The following PLP1 variants were observed in gnomAD, a reference collection of about 807,000 sequenced individuals.
PLP1 encodes proteolipid protein 1.
A neutral mutation model predicts 18.5 loss-of-function variants in PLP1; 2 were observed. The observed-to-expected ratio is 0.11, with a 90% CI of 0.04 to 0.34. PLP1 has a LOEUF of 0.34. Ranked by LOEUF, PLP1 falls within the 10% of genes least tolerant of loss-of-function variation. The pLI is 1.00. For missense variants in PLP1, 105 were observed against 207.3 expected (o/e 0.51, Z 3.03); for synonymous variants, 86 against 83.2 (o/e 1.03, Z -0.19).
At chrX:103,779,919 C>T (rs2074438739) in intron 1 of PLP1, 1 of 112,450 alleles carries the variant, frequency 8.9e-6, no homozygotes, top group Non-Finnish European at 1.9e-5. Context: ...CCTTCCCTGC[C>T]CACAGCACTT....
rs778783545 is a variant in PLP1 at position 103,785,678 on chromosome X, G to T, written c.101G>T (p.Gly34Val). The T allele has an allele frequency of 7.4e-6, 9 of 1,209,531 alleles. No homozygotes were observed. In the South Asian group the frequency reaches 1.6e-4, roughly 21 times the overall value. ...TTCTTTGGGGTGGCACTGTTCTGTGGCTGTGGACATGAAGCCCTCACTGGC... is the reference window on the plus strand; with the variant it reads ...TTCTTTGGGGTGGCACTGTTCTGTGTCTGTGGACATGAAGCCCTCACTGGC... ...LCFFGVALFC[G>V]CGHEALTGTE... The change falls in exon 2 of 7, where the codon GGC becomes GTC. Residue 34 changes from glycine (G) to valine (V), a missense_variant. Physicochemically the swap from Gly to Val is moderately radical, Grantham distance 109 (BLOSUM62 -3). Coordinates refer to ENST00000621218, the MANE Select transcript of PLP1 (RefSeq NM_000533.5).
intron 1 of PLP1, among the ~76,000 whole-genome samples, chrX:103,779,578 C>T (rs1393567118): frequency 8.9e-6 from 1 of 111,995 alleles, no homozygotes; most frequent in Non-Finnish European, 1.9e-5. Flanking sequence ...CTCCCTTTGG[C>T]CGTGCAGAGC....
chrX:103,790,287 T>G (rs1252482225), intron 6 of PLP1, among the ~76,000 whole-genome samples: 1 of 112,651 alleles, frequency 8.9e-6, no homozygotes, highest in African/African-American at 3.2e-5. Flanking sequence ...GGAATAAATC[T>G]TTATGATTTG....
rs1299705323 is a variant in PLP1 at position 103,792,155 on chromosome X, G to T, written c.*1557G>T. On this transcript the variant is annotated 3_prime_UTR_variant, in exon 7 of 7. Transcript: ENST00000621218. The stretch of plus-strand genomic sequence containing the variant: ...AAAGTCTGATTGGTTTTAATTGAAG[G>T]AAAGATTTGTACTACAGTTCTTTTG... The T allele has an allele frequency of 1.8e-5, 2 of 111,110 alleles. No homozygotes were observed. Among genetic ancestry groups the T allele is most frequent in the African/African-American group, 6.5e-5 (2 of 30,567 alleles). 9.2% of individuals were successfully genotyped at this position (111,110 alleles called of 1,213,427 possible).
At chrX:103,780,634 T>C (rs1178606986) in intron 1 of PLP1, among the ~76,000 whole-genome samples, 2 of 111,579 alleles carry the variant, frequency 1.8e-5, no homozygotes, top group African/African-American at 6.5e-5. Flanking sequence ...CCCCAGAGAC[T>C]TCGGGACTGT....
At position 103,790,532 on chromosome X, in the gene PLP1, C is replaced by T. The variant is rs1435404483; in HGVS notation, c.768C>T (p.Thr256=). The change falls in exon 7 of 7, where the codon ACC becomes ACT. Residue 256 remains threonine (T), a synonymous_variant. Coordinates refer to ENST00000621218, the MANE Select transcript of PLP1 (RefSeq NM_000533.5). Reference sequence around the variant, plus strand: ...CTCTCTTCTGTTCCCTACAGCTCACCTTCATGATTGCTGCCACTTACAACT... The same window carrying T: ...CTCTCTTCTGTTCCCTACAGCTCACTTTCATGATTGCTGCCACTTACAACT... The part of the protein sequence containing the change: ...GAAATLVSLL[T]FMIAATYNFA... 2 of 1,204,731 alleles carry T rather than the reference C, an allele frequency of 1.7e-6. No homozygotes were observed. The highest frequency in any genetic ancestry group is 3.5e-5 in the African/African-American group (2 of 57,687).
intron 4 of PLP1, 40 bp from the exon 5 acceptor site, chrX:103,788,396 TC>T (rs780936979): frequency 1.2e-5 from 12 of 1,012,353 alleles, no homozygotes; most frequent in African/African-American, 7.5e-5. Flanking sequence ...GCCCCGTAAC[TC>T]CATAAAGCTT....
In PLP1 at chrX:103,789,148, C is replaced by G. The variant is rs1251403335; in HGVS notation, c.697-185C>G. 6.2e-6 allele frequency: 3 copies of G among 484,089 alleles called. No homozygotes were observed. The East Asian group carries it at 1.1e-4, about 18-fold the overall frequency. The allele number at this position is 484,089 out of a possible 1,213,427, so 39.9% of individuals were successfully genotyped here. On this transcript the variant is annotated intron_variant, in intron 5 of 6. Coordinates refer to ENST00000621218, the MANE Select transcript of PLP1 (RefSeq NM_000533.5). ...TTCTGTGATCTGGGTGTTAATGGGC[C>G]AGGTGCTATGGTGTACACTGAAGAC...
Position 103,776,874 on chromosome X carries a change from A to T in PLP1, c.-122A>T. On this transcript the variant is annotated 5_prime_UTR_variant, in exon 1 of 7. Transcript: ENST00000621218. ...GCAGGAGAAGAGGACAAAGATACTC[A>T]GAGAGAAAAAGTAAAAGACCGAAGA... 1.5e-6 allele frequency: 1 copy of T among 680,677 alleles called. No individual in the cohort carries two copies. The highest frequency in any genetic ancestry group is 2.3e-6 in the Non-Finnish European group (1 of 429,211). 56.1% of individuals were successfully genotyped at this position (680,677 alleles called of 1,213,427 possible). A position where few individuals can be genotyped will look rare whatever the true frequency, so the allele number is the denominator to read the frequency against.
intron 1 of PLP1, among the ~76,000 whole-genome samples, chrX:103,781,489 C>T (rs1011755609): frequency 3.6e-5 from 4 of 112,285 alleles, no homozygotes; most frequent in African/African-American, 1.3e-4. Flanking sequence ...CACACAACTT[C>T]GTTATATCCA....
At chrX:103,786,816 C>T in intron 3 of PLP1, 90 bp downstream of exon 3, 1 of 970,659 alleles carries the variant, frequency 1.0e-6, no homozygotes, top group Non-Finnish European at 1.5e-6. Context: ...AAGGCTGGGT[C>T]CTCTCTAGGG....
chrX:103,779,864 C>A (rs1831730822), intron 1 of PLP1: 2 of 112,370 alleles, frequency 1.8e-5, no homozygotes, highest in African/African-American at 6.5e-5. Context: ...AAAGCCATCC[C>A]CTGGGTACAG....
At chrX:103,780,962 C>T (rs947505713) in intron 1 of PLP1, 3 of 145,151 alleles carry the variant, frequency 2.1e-5, no homozygotes, top group Non-Finnish European at 4.1e-5. Flanking sequence ...AGTGCAGATT[C>T]GAGACCTAGG....
rs2074514052 is a variant in PLP1 at position 103,788,110 on chromosome X, C to G, written c.622+144C>G. On this transcript the variant is annotated intron_variant, in intron 4 of 6. Transcript: ENST00000621218. ...TTGGGTCTTAGTTTATTAATCCTTCCCTACTGAAACCAGAGAGGTTTCTTC... is the reference window on the plus strand; with the variant it reads ...TTGGGTCTTAGTTTATTAATCCTTCGCTACTGAAACCAGAGAGGTTTCTTC... 7.2e-6 allele frequency: 4 copies of G among 554,210 alleles called. No individual in the cohort carries two copies. In the Admixed American group the frequency reaches 8.2e-5, roughly 11 times the overall value. The allele number at this position is 554,210 out of a possible 1,213,427, so 45.7% of individuals were successfully genotyped here.
chrX:103,787,599 C>T (rs1037735854), intron 3 of PLP1, 199 bp from the exon 4 acceptor site: 8 of 464,030 alleles, frequency 1.7e-5, no homozygotes, highest in East Asian at 1.1e-4. Flanking sequence ...CCCCACCCTC[C>T]GTTATACTGG....
rs1018369609 is a variant in PLP1, at chrX:103,791,325, CAG to C, written c.*728_*729del. 2.7e-5 allele frequency: 3 copies of C among 111,866 alleles called. No homozygotes were observed. Among genetic ancestry groups the C allele is most frequent in the Admixed American group, 9.5e-5 (1 of 10,540 alleles). 9.2% of individuals were successfully genotyped at this position (111,866 alleles called of 1,213,427 possible). A position where few individuals can be genotyped will look rare whatever the true frequency, so the allele number is the denominator to read the frequency against. ...CTTACACCTCGTTAGGGAAGAGAAA[CAG>C]GGTGTTGTCAGCATCTTCTCACTCC... On this transcript the variant is annotated 3_prime_UTR_variant, in exon 7 of 7. Coordinates refer to ENST00000621218, the MANE Select transcript of PLP1 (RefSeq NM_000533.5).
intron 1 of PLP1, among the ~76,000 whole-genome samples, chrX:103,782,474 CAG>C (rs2074461081): frequency 8.9e-6 from 1 of 111,854 alleles, no homozygotes; most frequent in African/African-American, 3.3e-5. Flanking sequence ...ATTTATCACC[CAG>C]TAAGAACACA....
intron 1 of PLP1, among the ~76,000 whole-genome samples, chrX:103,778,196 A>G (rs1369118820): frequency 1.8e-5 from 2 of 112,325 alleles, no homozygotes; most frequent in Non-Finnish European, 3.8e-5. Flanking sequence ...AGCAATAACT[A>G]CTTTGTCTAC....
chrX:103,786,250 G>A (rs1419497802), intron 2 of PLP1: 61 of 1,128,391 alleles, frequency 5.4e-5, no homozygotes, highest in Non-Finnish European at 7.0e-5. Context: ...AGGTGTGGCG[G>A]GAGGGGCATA....
Sources: allele counts gnomAD v4.1 joint callset (sites outside exome capture counted in the v4.1 genomes callset), GRCh38; gene constraint gnomAD v4.1.1; transcripts MANE v1.5; gene names NCBI Gene and HGNC (gene_info 2026-07-23, HGNC 2026-07-21).